The following CFAP221 variants were observed in gnomAD, a reference collection of about 807,000 sequenced individuals.
CFAP221 encodes cilia and flagella associated protein 221.
Under a neutral mutation model 113.1 loss-of-function variants are expected in CFAP221, and 97 were observed. The ratio of observed to expected loss-of-function variants is 0.86; its 90% confidence interval spans 0.73 to 1.02. The LOEUF (loss-of-function observed/expected upper bound fraction) is 1.02, where lower values mean the gene tolerates loss of function less well. CFAP221 is among the 50% of genes least tolerant of loss of function. The pLI is 0.00. For synonymous variants in CFAP221, 331 were observed against 354.4 expected (o/e 0.93, Z 0.74); for missense variants, 1,025 against 1,013.4 (o/e 1.01, Z -0.16).
chr2:119,624,013 A>G (rs947881464), intron 14 of CFAP221, among the ~76,000 whole-genome samples: 2 of 152,216 alleles, frequency 1.3e-5, no homozygotes, highest in African/African-American at 4.8e-5. Flanking sequence ...GACAAAATTG[A>G]CAAATGGGAC....
Position 119,608,613 on chromosome 2 carries a change from A to G in CFAP221, c.1221+24A>G, listed in dbSNP as rs1415847023. On this transcript the variant is annotated intron_variant, in intron 12 of 23. Transcript: ENST00000413369. ...AGGTCAGAGTTACTGCTAATTTGCT[A>G]TCATTTGTTTCGCTAGATGTTTTTA... 6 of 1,579,542 alleles carry G rather than the reference A, an allele frequency of 3.8e-6. No individual in the cohort carries two copies. The Admixed American group carries it at 8.7e-5, about 23-fold the overall frequency.
In CFAP221 at chr2:119,651,969, T is replaced by C. The variant is rs985942017; in HGVS notation, c.2319-5T>C. The C allele has an allele frequency of 1.9e-6, 3 of 1,606,322 alleles. No homozygotes were observed. Among genetic ancestry groups the C allele is most frequent in the Admixed American group, 1.7e-5 (1 of 59,220 alleles). On this transcript the variant is annotated splice_polypyrimidine_tract_variant and splice_region_variant and intron_variant, in intron 22 of 23. Transcript: ENST00000413369. ...GTGCCCACTAAACATCTTATTACTT[T>C]GCAGTGAGCTCTGTGAGCAGAATGT...
intron 15 of CFAP221, 107 bp downstream of exon 15, chr2:119,625,795 G>A: frequency 2.3e-6 from 2 of 854,820 alleles, no homozygotes; most frequent in Non-Finnish European, 3.6e-6. Context: ...ATTTTCACCA[G>A]TCACAAATGT....
chr2:119,633,641 C>A (rs1208492192), intron 19 of CFAP221, among the ~76,000 whole-genome samples: 19 of 148,902 alleles, frequency 1.3e-4, no homozygotes, highest in African/African-American at 4.4e-4. Context: ...AAAAAAAAAC[C>A]TAATAACTCA....
chr2:119,597,251 C>T (rs773134044), intron 7 of CFAP221, among the ~76,000 whole-genome samples: 13 of 152,112 alleles, frequency 8.5e-5, no homozygotes, highest in East Asian at 1.9e-4. Context: ...GGTAGCCAAG[C>T]GGAGTTACAC....
intron 16 of CFAP221, among the ~76,000 whole-genome samples, chr2:119,629,231 A>T (rs921685411): frequency 6.6e-6 from 1 of 152,188 alleles, no homozygotes; most frequent in African/African-American, 2.4e-5. Context: ...TTCAGGCACC[A>T]TCCAGATCCT....
Position 119,595,295 on chromosome 2 carries a change from A to G in CFAP221, c.632-5923A>G, listed in dbSNP as rs555058302. Among the ~76,000 whole-genome samples, 15 of 152,330 alleles carry G rather than the reference A, an allele frequency of 9.8e-5. No individual in the cohort carries two copies. In the South Asian group the frequency reaches 2.7e-3, roughly 27 times the overall value. ...TTTCCAGGGCTGTGACTCTTACTTT[A>G]GGAGAAATCTGCACCTCTTGGTTCT... On this transcript the variant is annotated intron_variant, in intron 7 of 23. Coordinates refer to ENST00000413369, the MANE Select transcript of CFAP221 (RefSeq NM_001271049.2).
chr2:119,606,964 A>T (rs1211271825), intron 11 of CFAP221, among the ~76,000 whole-genome samples: 1 of 152,172 alleles, frequency 6.6e-6, no homozygotes, highest in Admixed American at 6.5e-5. Context: ...TGCAAATATC[A>T]GGAAGCTTCA....
At chr2:119,578,222 C>T (rs1189347470) in intron 6 of CFAP221, among the ~76,000 whole-genome samples, 1 of 152,206 alleles carries the variant, frequency 6.6e-6, no homozygotes, top group Non-Finnish European at 1.5e-5. Flanking sequence ...ACAGGTACAG[C>T]ATCATTTCCA....
At chr2:119,632,416 A>G (rs1323804811) in intron 19 of CFAP221, among the ~76,000 whole-genome samples, 1 of 152,200 alleles carries the variant, frequency 6.6e-6, no homozygotes, top group Non-Finnish European at 1.5e-5. Flanking sequence ...CTCAATAGTA[A>G]CAGAAAAATT....
Position 119,608,566 on chromosome 2 carries a change from C to CA in CFAP221, c.1203dup (p.Ala402SerfsTer6), listed in dbSNP as rs1684937748. The CA allele has an allele frequency of 6.2e-7, 1 of 1,612,346 alleles. No homozygotes were observed. Among genetic ancestry groups the CA allele is most frequent in the Admixed American group, 1.7e-5 (1 of 59,880 alleles). On this transcript the variant is annotated frameshift_variant, in exon 12 of 24. Coordinates refer to ENST00000413369, the MANE Select transcript of CFAP221 (RefSeq NM_001271049.2). LOFTEE classifies it high-confidence loss of function. ...TAAAAAAGAGCTTACTGAAGAGTGG[C>CA]AAAAAGCATGTGCCAAATATAAGGT...
rs70949303 is a variant in CFAP221, at chr2:119,628,294, G to GGTGTGTGT, written c.1650+541_1650+548dup. On this transcript the variant is annotated intron_variant, in intron 16 of 23. Transcript: ENST00000413369. ...CTTCTCTCTCTCTCTCTCTCTGGGG[G>GGTGTGTGT]GTGTGTGTGTGTGTGTGTGTGTGTG... Among the ~76,000 whole-genome samples, 1,174 of 137,556 alleles carry GGTGTGTGT rather than the reference G, an allele frequency of 8.5e-3. 12 individuals are homozygous for GGTGTGTGT. The highest frequency in any genetic ancestry group is 0.015 in the Middle Eastern group (4 of 262). 90.2% of individuals were successfully genotyped at this position (137,556 alleles called of 152,430 possible). A position where few individuals can be genotyped will look rare whatever the true frequency, so the allele number is the denominator to read the frequency against.
In CFAP221 at chr2:119,561,920, G is replaced by A. The variant is rs930033596; in HGVS notation, c.427-94G>A. The A allele has an allele frequency of 3.5e-5, 29 of 829,876 alleles. No homozygotes were observed. In the Middle Eastern group the frequency reaches 7.4e-4, roughly 21 times the overall value. 51.4% of individuals were successfully genotyped at this position (829,876 alleles called of 1,614,324 possible). A position where few individuals can be genotyped will look rare whatever the true frequency, so the allele number is the denominator to read the frequency against. On this transcript the variant is annotated intron_variant, in intron 5 of 23. Coordinates refer to ENST00000413369, the MANE Select transcript of CFAP221 (RefSeq NM_001271049.2). ...GTTTCTTAAGGAAATATTTTTTAACGATGGAAACAAGATAAGAAATAAAGC... is the reference window on the plus strand; with the variant it reads ...GTTTCTTAAGGAAATATTTTTTAACAATGGAAACAAGATAAGAAATAAAGC...
In CFAP221 at chr2:119,602,846, T is replaced by C. The variant is rs1684461088; in HGVS notation, c.791+1469T>C. 1.8e-5 allele frequency: 16 copies of C among 887,170 alleles called. No homozygotes were observed. In the South Asian group the frequency reaches 8.3e-4, roughly 46 times the overall value. 55.0% of individuals were successfully genotyped at this position (887,170 alleles called of 1,614,324 possible). A position where few individuals can be genotyped will look rare whatever the true frequency, so the allele number is the denominator to read the frequency against. On this transcript the variant is annotated intron_variant, in intron 8 of 23. Coordinates refer to ENST00000413369, the MANE Select transcript of CFAP221 (RefSeq NM_001271049.2). Reference sequence around the variant, plus strand: ...TTAAAGACATAACATGAGTGCGATTTTTATTTGTATATCCTTCCATGGCTG... The same window carrying C: ...TTAAAGACATAACATGAGTGCGATTCTTATTTGTATATCCTTCCATGGCTG...
intron 7 of CFAP221, among the ~76,000 whole-genome samples, chr2:119,596,926 G>T (rs977380037): frequency 6.6e-6 from 1 of 152,206 alleles, no homozygotes; most frequent in African/African-American, 2.4e-5. Context: ...TGGCACTTTT[G>T]TGGAGCAAAA....
At chr2:119,622,076 G>T (rs946884077) in intron 14 of CFAP221, among the ~76,000 whole-genome samples, 2 of 152,126 alleles carry the variant, frequency 1.3e-5, no homozygotes, top group African/African-American at 4.8e-5. Context: ...ATGAATCCAA[G>T]AGCTGGTTTT....
chr2:119,563,103 G>A (rs1445389245), intron 6 of CFAP221, among the ~76,000 whole-genome samples: 2 of 152,180 alleles, frequency 1.3e-5, no homozygotes, highest in African/African-American at 4.8e-5. Context: ...GCAATGGGCT[G>A]TGATCACACC....
At chr2:119,601,459 C>G in intron 8 of CFAP221, 82 bp downstream of exon 8, 1 of 1,259,202 alleles carries the variant, frequency 7.9e-7, no homozygotes. Context: ...TTCTGTCTTT[C>G]TTGTAAAAGA....
intron 22 of CFAP221, chr2:119,648,427 C>A (rs1193889038): frequency 1.0e-5 from 3 of 294,846 alleles, no homozygotes; most frequent in South Asian, 8.7e-5. Flanking sequence ...TTTTTCATGT[C>A]TTTGGGGGTA....
Sources: allele counts gnomAD v4.1 joint callset (sites outside exome capture counted in the v4.1 genomes callset), GRCh38; gene constraint gnomAD v4.1.1; transcripts MANE v1.5; gene names NCBI Gene and HGNC (gene_info 2026-07-23, HGNC 2026-07-21).